The following HEMK2 variants were observed in gnomAD, a reference collection of about 807,000 sequenced individuals.
The protein encoded by HEMK2 is methyltransferase HEMK2.
At chr21:28,598,102 A>G in the HEMK2 span, among the ~76,000 whole-genome samples, 2,710 of 152,268 alleles carry the variant, frequency 0.018, 108 homozygotes, top group African/African-American at 0.063. Flanking sequence ...AGGTGTGCAC[A>G]AAAGTGTTCA....
the HEMK2 span, among the ~76,000 whole-genome samples, chr21:28,816,312 G>GT: frequency 6.6e-6 from 1 of 152,212 alleles, no homozygotes; most frequent in South Asian, 2.1e-4. Flanking sequence ...AATTTAGAAT[G>GT]TCAGTGTTAA....
the HEMK2 span, among the ~76,000 whole-genome samples, chr21:28,585,808 A>T: frequency 2.8e-3 from 434 of 152,308 alleles, 2 homozygotes; most frequent in South Asian, 6.6e-3. Flanking sequence ...GATAACGGCT[A>T]AAAATTTTAC....
the HEMK2 span, among the ~76,000 whole-genome samples, chr21:28,835,084 A>G: frequency 1.3e-5 from 2 of 152,080 alleles, no homozygotes; most frequent in African/African-American, 4.8e-5. Flanking sequence ...GACAAAGGGC[A>G]TATAATCTTG....
chr21:28,828,709 T>C, the HEMK2 span, among the ~76,000 whole-genome samples: 1 of 152,180 alleles, frequency 6.6e-6, no homozygotes, highest in Non-Finnish European at 1.5e-5. Context: ...AGAAATTCCA[T>C]GCCAGCTCAC....
At chr21:28,837,752 C>G in the HEMK2 span, among the ~76,000 whole-genome samples, 2 of 152,018 alleles carry the variant, frequency 1.3e-5, no homozygotes, top group African/African-American at 4.8e-5. Flanking sequence ...GAACAAAAAG[C>G]TGGCTCTTTG....
At chr21:28,825,335 C>T in the HEMK2 span, among the ~76,000 whole-genome samples, 1 of 152,190 alleles carries the variant, frequency 6.6e-6, no homozygotes, top group Non-Finnish European at 1.5e-5. Context: ...AATGCTGATG[C>T]TGTTGGTCCC....
the HEMK2 span, among the ~76,000 whole-genome samples, chr21:28,630,862 C>T: frequency 8.2e-4 from 125 of 151,594 alleles, no homozygotes; most frequent in Admixed American, 1.1e-3. Context: ...CACACCAACA[C>T]GGCACATGTA....
the HEMK2 span, among the ~76,000 whole-genome samples, chr21:28,618,024 G>C: frequency 6.6e-6 from 1 of 152,168 alleles, no homozygotes; most frequent in African/African-American, 2.4e-5. Flanking sequence ...CTGGGCACAA[G>C]TGATCCTCTT....
the HEMK2 span, among the ~76,000 whole-genome samples, chr21:28,670,086 T>C: frequency 2.0e-5 from 3 of 152,042 alleles, no homozygotes; most frequent in East Asian, 5.8e-4. Context: ...TATAACAGCA[T>C]CATTTTTTTT....
At chr21:28,877,259 G>GGGAAGGGAAGGAAGGAAGGAA in the HEMK2 span, among the ~76,000 whole-genome samples, 1 of 76,260 alleles carries the variant, frequency 1.3e-5, no homozygotes, top group South Asian at 5.6e-4. Flanking sequence ...GGGAAGAGAA[G>GGGAAGGGAAGGAAGGAAGGAA]GGAAGGAAGG....
At chr21:28,782,927 T>G in the HEMK2 span, among the ~76,000 whole-genome samples, 2 of 152,314 alleles carry the variant, frequency 1.3e-5, no homozygotes, top group East Asian at 3.9e-4. Flanking sequence ...ATAAATTAAA[T>G]TAACAGTTGA....
At chr21:28,652,007 A>T in the HEMK2 span, among the ~76,000 whole-genome samples, 3 of 152,154 alleles carry the variant, frequency 2.0e-5, no homozygotes, top group Non-Finnish European at 4.4e-5. Flanking sequence ...AGATCTTTGG[A>T]TTTGATTTGA....
the HEMK2 span, among the ~76,000 whole-genome samples, chr21:28,817,359 G>A: frequency 1.3e-5 from 2 of 151,978 alleles, no homozygotes; most frequent in African/African-American, 4.8e-5. Flanking sequence ...TGAAGAGGAA[G>A]ATATAGAATA....
the HEMK2 span, among the ~76,000 whole-genome samples, chr21:28,719,370 T>C: frequency 6.6e-6 from 1 of 152,120 alleles, no homozygotes; most frequent in Non-Finnish European, 1.5e-5. Context: ...TGGGGGTGGT[T>C]TCCCCCATAC....
At chr21:28,624,481 G>T in the HEMK2 span, among the ~76,000 whole-genome samples, 1 of 152,200 alleles carries the variant, frequency 6.6e-6, no homozygotes, top group Non-Finnish European at 1.5e-5. Flanking sequence ...TCTGTTTGCT[G>T]CTGTCATCGA....
the HEMK2 span, among the ~76,000 whole-genome samples, chr21:28,610,295 C>A: frequency 1.3e-5 from 2 of 151,990 alleles, no homozygotes; most frequent in Non-Finnish European, 1.5e-5. Context: ...ATTTTGTATC[C>A]AGAAAAACTA....
At chr21:28,877,284 GGAAGGAAGGA>G in the HEMK2 span, among the ~76,000 whole-genome samples, 13 of 132,426 alleles carry the variant, frequency 9.8e-5, no homozygotes, top group East Asian at 4.4e-4. Flanking sequence ...AAGGAAGGAA[GGAAGGAAGGA>G]AGGAAGAGAG....
chr21:28,858,457 T>G, the HEMK2 span, among the ~76,000 whole-genome samples: 1 of 152,214 alleles, frequency 6.6e-6, no homozygotes, highest in Non-Finnish European at 1.5e-5. Flanking sequence ...TAGAAATGTC[T>G]TATCCTTCCC....
At chr21:28,648,267 C>T in the HEMK2 span, among the ~76,000 whole-genome samples, 1 of 152,184 alleles carries the variant, frequency 6.6e-6, no homozygotes, top group Non-Finnish European at 1.5e-5. Flanking sequence ...GCATTTGACC[C>T]ACTTTCCACT....
Sources: allele counts gnomAD v4.1 joint callset (sites outside exome capture counted in the v4.1 genomes callset), GRCh38; gene constraint gnomAD v4.1.1; transcripts MANE v1.5; gene names NCBI Gene and HGNC (gene_info 2026-07-23, HGNC 2026-07-21).